RAD18: variants seen among roughly 807,000 people sequenced by gnomAD.
The protein encoded by RAD18 is E3 ubiquitin-protein ligase RAD18.
In RAD18, 47 loss-of-function variants were observed where a neutral mutation model predicts 60.4. The ratio of observed to expected loss-of-function variants is 0.78; its 90% CI spans 0.62 to 0.99. The LOEUF is 0.99. Ranked by LOEUF, RAD18 falls within the 50% of genes least tolerant of loss-of-function variation. The pLI, the probability that RAD18 is intolerant of heterozygous loss-of-function variation, is 0.00. For missense variants in RAD18, 640 were observed against 593.3 expected (o/e 1.08, Z -0.82); for synonymous variants, 225 against 195.5 (o/e 1.15, Z -1.26).
In RAD18 at chr3:8,949,530, A is replaced by C. The variant is rs183526430; in HGVS notation, c.134-960T>G. Reference sequence around the variant, plus strand: ...AAGCAAAGATGAATACAGGGGACCGATTCAGCATGTAAGGGGCTTGGAAGT... The same window carrying C: ...AAGCAAAGATGAATACAGGGGACCGCTTCAGCATGTAAGGGGCTTGGAAGT... On this transcript the variant is annotated intron_variant, in intron 2 of 12. Transcript: ENST00000264926. Among the ~76,000 whole-genome samples, 86 of 152,344 alleles carry C rather than the reference A, an allele frequency of 5.6e-4. No individual in the cohort carries two copies. The South Asian group carries it at 6.6e-3, about 12-fold the overall frequency.
At chr3:8,922,918 G>A (rs1174376026) in intron 7 of RAD18, among the ~76,000 whole-genome samples, 4 of 152,114 alleles carry the variant, frequency 2.6e-5, no homozygotes, top group South Asian at 2.1e-4. Flanking sequence ...CCATCTGTAC[G>A]TCACCATCAT....
rs1939370497 is a variant in RAD18, at chr3:8,877,129, A to C, written c.*4228T>G. The C allele has an allele frequency of 6.6e-6, 1 of 152,258 alleles. No homozygotes were observed. The allele number at this position is 152,258 out of a possible 1,614,324, so 9.4% of individuals were successfully genotyped here. On this transcript the variant is annotated 3_prime_UTR_variant, in exon 13 of 13. Transcript: ENST00000264926. ...GTATTTTGGAATCAAAGGAGTCAGAAGATGCATGCATCAGTTTCTGGGTGT... is the reference window on the plus strand; with the variant it reads ...GTATTTTGGAATCAAAGGAGTCAGACGATGCATGCATCAGTTTCTGGGTGT...
intron 7 of RAD18, among the ~76,000 whole-genome samples, chr3:8,929,695 G>A (rs1444550557): frequency 6.7e-6 from 1 of 150,110 alleles, no homozygotes; most frequent in Admixed American, 6.6e-5. Flanking sequence ...AGACTGTAGT[G>A]CAATGGCACG....
Position 8,881,325 on chromosome 3 carries a change from C to G in RAD18, c.*32G>C. The G allele has an allele frequency of 6.6e-7, 1 of 1,509,102 alleles. No homozygotes were observed. Among genetic ancestry groups the G allele is most frequent in the African/African-American group, 1.4e-5 (1 of 72,364 alleles). 93.5% of individuals were successfully genotyped at this position (1,509,102 alleles called of 1,614,324 possible). On this transcript the variant is annotated 3_prime_UTR_variant, in exon 13 of 13. Coordinates refer to ENST00000264926, the MANE Select transcript of RAD18 (RefSeq NM_020165.4). The stretch of plus-strand genomic sequence containing the variant: ...GCAACCAAAAGTACGGTATTCTAAT[C>G]AATGCATTTGAAAAGTCAGCAAAAG...
At chr3:8,909,531 T>C (rs372742847) in intron 9 of RAD18, among the ~76,000 whole-genome samples, 1 of 144,232 alleles carries the variant, frequency 6.9e-6, no homozygotes, top group Non-Finnish European at 1.5e-5. Context: ...AAAAAAAAAG[T>C]AACAAATGAA....
intron 12 of RAD18, among the ~76,000 whole-genome samples, chr3:8,889,598 A>T (rs45441996): frequency 0.036 from 5,550 of 152,264 alleles, 301 homozygotes; most frequent in East Asian, 0.21. Context: ...AATAAAGAAC[A>T]TTCTGGGTAG....
intron 12 of RAD18, among the ~76,000 whole-genome samples, chr3:8,889,557 C>G (rs934881269): frequency 5.9e-5 from 9 of 152,112 alleles, no homozygotes; most frequent in African/African-American, 2.2e-4. Context: ...AGAACTTGAG[C>G]TGCTGAGTAG....
chr3:8,932,042 A>T (rs2125063457), intron 7 of RAD18, among the ~76,000 whole-genome samples: 1 of 152,382 alleles, frequency 6.6e-6, no homozygotes, highest in African/African-American at 2.4e-5. Context: ...CGAAAATTAT[A>T]AAACTCCTAG....
intron 5 of RAD18, among the ~76,000 whole-genome samples, chr3:8,940,434 ATAG>A (rs1350820688): frequency 6.6e-6 from 1 of 152,242 alleles, no homozygotes; most frequent in Admixed American, 6.5e-5. Context: ...AAGGATAGAC[ATAG>A]TAGAAAATAT....
chr3:8,900,922 G>T (rs373090), intron 10 of RAD18, among the ~76,000 whole-genome samples: 93,438 of 151,936 alleles, frequency 0.61, 29,946 homozygotes, highest in Middle Eastern at 0.72. Context: ...TTCAAGAGAG[G>T]TTCAACTAAT....
intron 2 of RAD18, among the ~76,000 whole-genome samples, chr3:8,949,325 T>C (rs1940891138): frequency 6.6e-6 from 1 of 152,196 alleles, no homozygotes; most frequent in Non-Finnish European, 1.5e-5. Context: ...CAGTACAATT[T>C]CAGTACACTG....
At chr3:8,941,957 T>G (rs1269175316) in intron 4 of RAD18, among the ~76,000 whole-genome samples, 153 bp from the exon 5 acceptor site, 1 of 152,192 alleles carries the variant, frequency 6.6e-6, no homozygotes, top group Non-Finnish European at 1.5e-5. Context: ...CTAGTATAAC[T>G]CAAAGCAATA....
chr3:8,946,700 G>A (rs1030576239), intron 4 of RAD18, among the ~76,000 whole-genome samples: 3 of 152,120 alleles, frequency 2.0e-5, no homozygotes, highest in Non-Finnish European at 2.9e-5. Context: ...GAATAAATCC[G>A]ATTAAGAATT....
chr3:8,923,762 G>A (rs899407125), intron 7 of RAD18, among the ~76,000 whole-genome samples: 2 of 152,114 alleles, frequency 1.3e-5, no homozygotes, highest in Non-Finnish European at 2.9e-5. Context: ...CCAATATTCA[G>A]CATTCTTAAA....
At chr3:8,916,695 T>C (rs891047772) in intron 7 of RAD18, among the ~76,000 whole-genome samples, 1 of 151,798 alleles carries the variant, frequency 6.6e-6, no homozygotes, top group South Asian at 2.1e-4. Flanking sequence ...TATATAGATA[T>C]AGACACATAA....
chr3:8,894,691 T>G (rs1939754690), intron 11 of RAD18, among the ~76,000 whole-genome samples: 1 of 151,648 alleles, frequency 6.6e-6, no homozygotes, highest in Admixed American at 6.6e-5. Context: ...AAAGATACAT[T>G]CCCCTAAAAC....
chr3:8,902,917 T>G (rs978556743), intron 9 of RAD18, among the ~76,000 whole-genome samples: 6 of 151,886 alleles, frequency 4.0e-5, no homozygotes, highest in Non-Finnish European at 4.4e-5. Flanking sequence ...TCCCAGCTAC[T>G]TAGGAGGCTG....
intron 11 of RAD18, among the ~76,000 whole-genome samples, chr3:8,898,080 GA>G (rs535060646): frequency 2.0e-5 from 3 of 149,890 alleles, no homozygotes; most frequent in South Asian, 2.1e-4. Flanking sequence ...TCAAAAAAAT[GA>G]AAAAAAAAGT....
intron 9 of RAD18, among the ~76,000 whole-genome samples, chr3:8,907,928 G>A (rs767545614): frequency 1.3e-5 from 2 of 152,186 alleles, no homozygotes; most frequent in African/African-American, 2.4e-5. Context: ...TCCAGCATTC[G>A]TTCCCTCTTG....
Sources: gnomAD v4.1 joint callset for allele counts (sites outside exome capture counted in the v4.1 genomes callset) on GRCh38, gnomAD v4.1.1 for gene constraint, MANE v1.5 for transcripts, NCBI Gene and HGNC (gene_info 2026-07-23, HGNC 2026-07-21) for gene names.